The following TMC1 variants were observed in gnomAD, a reference collection of about 807,000 sequenced individuals.
The protein encoded by TMC1 is transmembrane channel like 1, also known as transmembrane channel-like protein 1.
Under a neutral mutation model 105.8 loss-of-function variants are expected in TMC1, and 84 were observed. The observed-to-expected ratio is 0.79, with a 90% CI of 0.67 to 0.95. The LOEUF is 0.95. TMC1 is among the 40% of genes least tolerant of loss of function. The pLI, the probability that TMC1 is intolerant of heterozygous loss-of-function variation, is 0.00. For missense variants in TMC1, 817 were observed against 914.1 expected (o/e 0.89, Z 1.37); for synonymous variants, 315 against 311.5 (o/e 1.01, Z -0.12).
intron 2 of TMC1, among the ~76,000 whole-genome samples, chr9:72,613,274 G>A (rs1825064767): frequency 6.6e-6 from 1 of 151,722 alleles, no homozygotes; most frequent in Non-Finnish European, 1.5e-5. Flanking sequence ...TGGGACTACT[G>A]GCCACCATGC....
At chr9:72,587,581 AT>A (rs1824574838) in intron 2 of TMC1, among the ~76,000 whole-genome samples, 1 of 152,158 alleles carries the variant, frequency 6.6e-6, no homozygotes, top group Non-Finnish European at 1.5e-5. Flanking sequence ...CAAGAAGTCT[AT>A]TGATGGAAGA....
intron 12 of TMC1, among the ~76,000 whole-genome samples, chr9:72,764,022 G>C (rs761434329): frequency 6.6e-6 from 1 of 152,064 alleles, no homozygotes; most frequent in Non-Finnish European, 1.5e-5. Flanking sequence ...TAGATTAAAG[G>C]ATGAGCCATT....
intron 2 of TMC1, among the ~76,000 whole-genome samples, chr9:72,616,044 G>A (rs911333096): frequency 2.0e-5 from 3 of 152,102 alleles, no homozygotes; most frequent in Middle Eastern, 3.2e-3. Context: ...CACCGTGCCC[G>A]CTATTGACCC....
chr9:72,604,871 G>A (rs1348882780), intron 2 of TMC1, among the ~76,000 whole-genome samples: 2 of 152,146 alleles, frequency 1.3e-5, no homozygotes, highest in African/African-American at 2.4e-5. Flanking sequence ...ATTTCATGAG[G>A]AACATAGAAT....
chr9:72,828,903 A>G (rs1828999766), intron 21 of TMC1, among the ~76,000 whole-genome samples: 1 of 152,218 alleles, frequency 6.6e-6, no homozygotes, highest in Non-Finnish European at 1.5e-5. Context: ...GAGGCTCTTA[A>G]TTAAGTAATT....
chr9:72,587,233 A>C (rs55916902), intron 2 of TMC1, among the ~76,000 whole-genome samples: 17,207 of 150,864 alleles, frequency 0.11, 1,109 homozygotes, highest in Non-Finnish European at 0.16. Flanking sequence ...ATCTCGACTC[A>C]CTGCAACCTC....
intron 13 of TMC1, among the ~76,000 whole-genome samples, chr9:72,785,021 G>A (rs1373851180): frequency 3.3e-5 from 5 of 151,944 alleles, no homozygotes; most frequent in African/African-American, 1.2e-4. Flanking sequence ...TGAAATAATT[G>A]ATACACCAAA....
intron 5 of TMC1, among the ~76,000 whole-genome samples, chr9:72,666,617 A>G (rs1826046773): frequency 6.6e-6 from 1 of 152,202 alleles, no homozygotes; most frequent in Non-Finnish European, 1.5e-5. Context: ...TATTCATATC[A>G]CAAACACTGA....
intron 1 of TMC1, among the ~76,000 whole-genome samples, chr9:72,537,885 G>A (rs7038334): frequency 0.52 from 79,618 of 151,924 alleles, 21,807 homozygotes; most frequent in African/African-American, 0.69. Flanking sequence ...GGGCACTGTG[G>A]CTCATGCCTG....
chr9:72,615,051 G>C (rs945419503), intron 2 of TMC1, among the ~76,000 whole-genome samples: 2 of 152,098 alleles, frequency 1.3e-5, no homozygotes, highest in African/African-American at 4.8e-5. Context: ...CTGCATACCA[G>C]TGAAATAAGT....
chr9:72,628,773 A>G (rs946881801), intron 4 of TMC1, among the ~76,000 whole-genome samples: 17 of 152,366 alleles, frequency 1.1e-4, no homozygotes, highest in Admixed American at 9.1e-4. Context: ...GTTATTTTAT[A>G]GAGAGCTTTA....
At chr9:72,800,292 G>T (rs1828448205) in intron 17 of TMC1, among the ~76,000 whole-genome samples, 1 of 152,138 alleles carries the variant, frequency 6.6e-6, no homozygotes, top group African/African-American at 2.4e-5. Context: ...TACGATTCAA[G>T]AAAGGAAAAT....
At chr9:72,705,839 T>A (rs1826728520) in intron 8 of TMC1, among the ~76,000 whole-genome samples, 1 of 152,234 alleles carries the variant, frequency 6.6e-6, no homozygotes, top group Non-Finnish European at 1.5e-5. Flanking sequence ...TACTGACTAC[T>A]TTAATTTCTG....
At chr9:72,645,692 T>C (rs1825699789) in intron 4 of TMC1, among the ~76,000 whole-genome samples, 2 of 152,124 alleles carry the variant, frequency 1.3e-5, no homozygotes, top group African/African-American at 4.8e-5. Context: ...CGAAACAAGC[T>C]CTCACGAAAT....
intron 4 of TMC1, among the ~76,000 whole-genome samples, chr9:72,629,736 A>T (rs1342153045): frequency 6.6e-6 from 1 of 152,230 alleles, no homozygotes; most frequent in Non-Finnish European, 1.5e-5. Context: ...TGTGTGGCAG[A>T]CTATGAGAAA....
intron 2 of TMC1, among the ~76,000 whole-genome samples, chr9:72,590,250 C>A (rs1438187626): frequency 6.6e-6 from 1 of 152,210 alleles, no homozygotes; most frequent in Non-Finnish European, 1.5e-5. Flanking sequence ...CACACACTTG[C>A]CCTTTATACT....
chr9:72,642,066 C>T (rs1306944261), intron 4 of TMC1, among the ~76,000 whole-genome samples: 1 of 152,156 alleles, frequency 6.6e-6, no homozygotes, highest in Non-Finnish European at 1.5e-5. Context: ...ATCCGCCTGC[C>T]TTGGCCTCCC....
At chr9:72,613,848 G>A (rs1825077363) in intron 2 of TMC1, among the ~76,000 whole-genome samples, 1 of 152,108 alleles carries the variant, frequency 6.6e-6, no homozygotes, top group Non-Finnish European at 1.5e-5. Context: ...TACCAATGGC[G>A]AGAAGGAGGA....
intron 2 of TMC1, among the ~76,000 whole-genome samples, chr9:72,610,518 C>G (rs1400973976): frequency 6.6e-6 from 1 of 152,170 alleles, no homozygotes; most frequent in Non-Finnish European, 1.5e-5. Flanking sequence ...GCAGGAAACA[C>G]CAAGGTCCCA....
Sources: gnomAD v4.1 joint callset for allele counts (sites outside exome capture counted in the v4.1 genomes callset) on GRCh38, gnomAD v4.1.1 for gene constraint, MANE v1.5 for transcripts, NCBI Gene and HGNC (gene_info 2026-07-23, HGNC 2026-07-21) for gene names.